The following GSK3B variants were observed in gnomAD, a reference collection of about 807,000 sequenced individuals.
The protein encoded by GSK3B is glycogen synthase kinase-3 beta.
A neutral mutation model predicts 56.4 loss-of-function variants in GSK3B; 15 were observed. The observed-to-expected ratio is 0.27, with a 90% CI of 0.18 to 0.41. GSK3B has a LOEUF of 0.41. GSK3B is among the 10% of genes least tolerant of loss of function. The pLI is 1.00. For missense variants in GSK3B, 300 were observed against 513.4 expected, an observed-to-expected ratio of 0.58 and a Z score of 4.02; for synonymous variants, 181 against 188.9, an observed-to-expected ratio of 0.96 and a Z score of 0.34.
At chr3:120,074,530 C>T (rs1374357210) in intron 1 of GSK3B, among the ~76,000 whole-genome samples, 1 of 151,674 alleles carries the variant, frequency 6.6e-6, no homozygotes, top group Non-Finnish European at 1.5e-5. Context: ...TTTGGTCAGG[C>T]TGGTCTCGAA....
In GSK3B at chr3:119,893,522, T is replaced by C. The variant is rs558056610; in HGVS notation, c.813+12233A>G. ...CAGCAATATGAGTCTTAAAGCCCCA[T>C]TAAGAACTTCAGTGATTTTCATCAT... On this transcript the variant is annotated intron_variant, in intron 7 of 10. Coordinates refer to ENST00000264235, the MANE Select transcript of GSK3B (RefSeq NM_001146156.2). Among the ~76,000 whole-genome samples, 3 of 152,272 alleles carry C rather than the reference T, an allele frequency of 2.0e-5. No individual in the cohort carries two copies. In the South Asian group the frequency reaches 6.2e-4, roughly 32 times the overall value.
chr3:119,958,512 C>CA (rs1213159416), intron 2 of GSK3B, among the ~76,000 whole-genome samples: 1 of 151,828 alleles, frequency 6.6e-6, no homozygotes, highest in Non-Finnish European at 1.5e-5. Context: ...TGCATCTCTA[C>CA]AAAAAATAAA....
At chr3:120,063,454 C>T (rs1246368330) in intron 1 of GSK3B, among the ~76,000 whole-genome samples, 3 of 152,128 alleles carry the variant, frequency 2.0e-5, no homozygotes, top group Non-Finnish European at 4.4e-5. Context: ...TGGCCGGGTG[C>T]AGTGGCTCAC....
At chr3:119,943,447 A>G (rs1364100729) in intron 3 of GSK3B, among the ~76,000 whole-genome samples, 1 of 152,246 alleles carries the variant, frequency 6.6e-6, no homozygotes. Flanking sequence ...GAGATCATAA[A>G]TAATTATGCA....
chr3:120,056,582 G>A (rs769146774), intron 1 of GSK3B, among the ~76,000 whole-genome samples: 3 of 151,992 alleles, frequency 2.0e-5, no homozygotes, highest in African/African-American at 4.8e-5. Flanking sequence ...TCAAGTGATT[G>A]CCCCACCTTG....
chr3:120,076,730 C>A (rs1462208701), intron 1 of GSK3B, among the ~76,000 whole-genome samples: 1 of 141,970 alleles, frequency 7.0e-6, no homozygotes, highest in Non-Finnish European at 1.5e-5. Flanking sequence ...AGGAGAATGG[C>A]GTGAACCCGG....
chr3:119,848,734 A>G lies in GSK3B; in HGVS notation c.1097-5381T>C, dbSNP rs1158011361. ...ACATCTAAATTTTGTACTAAATTACATACTAAATGATATCAGATTGTGGTA... is the reference window on the plus strand; with the variant it reads ...ACATCTAAATTTTGTACTAAATTACGTACTAAATGATATCAGATTGTGGTA... On this transcript the variant is annotated intron_variant, in intron 9 of 10. Transcript: ENST00000264235. 2.6e-5 allele frequency among the ~76,000 whole-genome samples: 4 copies of G among 152,204 alleles called. No individual in the cohort carries two copies. The East Asian group carries it at 7.7e-4, about 29-fold the overall frequency.
intron 7 of GSK3B, among the ~76,000 whole-genome samples, chr3:119,901,954 A>G (rs1475952192): frequency 2.0e-5 from 3 of 152,100 alleles, no homozygotes; most frequent in African/African-American, 7.2e-5. Flanking sequence ...TTTCCCCCAG[A>G]TACTCTCTTA....
At chr3:120,063,246 T>C (rs1057478228) in intron 1 of GSK3B, among the ~76,000 whole-genome samples, 2 of 152,198 alleles carry the variant, frequency 1.3e-5, no homozygotes, top group African/African-American at 4.8e-5. Context: ...TCAGAGAACA[T>C]TTTAAACTTT....
chr3:119,892,487 G>A (rs2056513823), intron 7 of GSK3B, among the ~76,000 whole-genome samples: 1 of 152,140 alleles, frequency 6.6e-6, no homozygotes, highest in African/African-American at 2.4e-5. Flanking sequence ...GCACTACTCT[G>A]AGTGAAATGC....
intron 1 of GSK3B, among the ~76,000 whole-genome samples, chr3:120,058,205 C>T (rs1332764210): frequency 2.0e-5 from 3 of 152,032 alleles, no homozygotes; most frequent in Non-Finnish European, 4.4e-5. Context: ...ACTATAATAA[C>T]TTCCTTTGAG....
chr3:120,087,271 G>A (rs189846523), intron 1 of GSK3B, among the ~76,000 whole-genome samples: 65 of 152,252 alleles, frequency 4.3e-4, no homozygotes, highest in Non-Finnish European at 7.6e-4. Context: ...GGTGGTTCAC[G>A]CCTGTAATCC....
intron 1 of GSK3B, among the ~76,000 whole-genome samples, chr3:120,028,579 C>G (rs1358575608): frequency 6.6e-6 from 1 of 152,240 alleles, no homozygotes; most frequent in African/African-American, 2.4e-5. Flanking sequence ...TCAGCTCTAC[C>G]TCTTCTGTGA....
intron 1 of GSK3B, among the ~76,000 whole-genome samples, chr3:120,042,584 A>G (rs890343510): frequency 1.3e-5 from 2 of 152,234 alleles, no homozygotes; most frequent in African/African-American, 4.8e-5. Context: ...TAATGACAAT[A>G]GATCACCTCA....
intron 2 of GSK3B, among the ~76,000 whole-genome samples, chr3:119,975,831 T>C (rs897934319): frequency 5.9e-5 from 9 of 152,292 alleles, no homozygotes; most frequent in Middle Eastern, 3.4e-3. Flanking sequence ...ACCAGTAATA[T>C]TGGAAACTCT....
chr3:119,841,994 C>A (rs959097095), intron 10 of GSK3B, among the ~76,000 whole-genome samples: 1 of 152,020 alleles, frequency 6.6e-6, no homozygotes, highest in African/African-American at 2.4e-5. Flanking sequence ...AGCATAAATA[C>A]CCTTAGGCAA....
intron 10 of GSK3B, among the ~76,000 whole-genome samples, chr3:119,827,240 A>G (rs940955004): frequency 1.3e-5 from 2 of 152,230 alleles, no homozygotes; most frequent in African/African-American, 2.4e-5. Context: ...CCATGTTACA[A>G]TATGCCATCT....
rs183783041 is a variant in GSK3B, at chr3:119,866,511, T to A, written c.910-2906A>T. ...ATTACATTTCAAGAATGAGTAATTA[T>A]TTAGCCTCTCAAAGAAGATTTCCCC... On this transcript the variant is annotated intron_variant, in intron 8 of 10. Coordinates refer to ENST00000264235, the MANE Select transcript of GSK3B (RefSeq NM_001146156.2). 10 of 851,888 alleles carry A rather than the reference T, an allele frequency of 1.2e-5. No individual in the cohort carries two copies. In the African/African-American group the frequency reaches 1.3e-4, roughly 11 times the overall value. The allele number at this position is 851,888 out of a possible 1,614,324, so 52.8% of individuals were successfully genotyped here. A position where few individuals can be genotyped will look rare whatever the true frequency, so the allele number is the denominator to read the frequency against.
At chr3:119,999,424 T>G (rs2057654536) in intron 2 of GSK3B, among the ~76,000 whole-genome samples, 1 of 152,224 alleles carries the variant, frequency 6.6e-6, no homozygotes, top group Non-Finnish European at 1.5e-5. Context: ...TTCTTTGTAC[T>G]TAGGTTTCCT....
Sources: gnomAD v4.1 joint callset for allele counts (sites outside exome capture counted in the v4.1 genomes callset) on GRCh38, gnomAD v4.1.1 for gene constraint, MANE v1.5 for transcripts, NCBI Gene and HGNC (gene_info 2026-07-23, HGNC 2026-07-21) for gene names.